The following PHACTR1 variants were observed in gnomAD, a reference collection of about 807,000 sequenced individuals.
PHACTR1 encodes the protein RPEL repeat containing 1.
A neutral mutation model predicts 69.2 loss-of-function variants in PHACTR1; 16 were observed. That is an observed-to-expected ratio of 0.23 (90% confidence interval 0.16 to 0.35). The LOEUF (loss-of-function observed/expected upper bound fraction) is 0.35. Among genes scored for constraint, PHACTR1 ranks in the 10% least tolerant of loss-of-function variants. The probability of loss-of-function intolerance (pLI) is 1.00; values close to 1 mark genes in which losing one functional copy is unlikely to be tolerated. For missense variants in PHACTR1, 510 were observed against 734.7 expected (o/e 0.69, Z 3.54); for synonymous variants, 312 against 284.5 (o/e 1.10, Z -0.97).
chr6:13,152,066 C>T (rs143391562), intron 5 of PHACTR1, among the ~76,000 whole-genome samples: 15 of 152,298 alleles, frequency 9.8e-5, no homozygotes, highest in African/African-American at 3.4e-4. Flanking sequence ...GGCGCAGTGG[C>T]TCACACCTAT....
intron 4 of PHACTR1, among the ~76,000 whole-genome samples, chr6:12,782,370 T>A (rs9463110): frequency 6.6e-6 from 1 of 151,954 alleles, no homozygotes; most frequent in East Asian, 1.9e-4. Context: ...CACATTCGAC[T>A]TGTCAGTTAC....
chr6:12,833,928 G>A (rs183449042), intron 4 of PHACTR1, among the ~76,000 whole-genome samples: 5 of 152,198 alleles, frequency 3.3e-5, no homozygotes, highest in Non-Finnish European at 7.4e-5. Flanking sequence ...TCCAGCTGGA[G>A]TGGTCTTCCC....
Position 12,810,323 on chromosome 6 carries a change from G to GTTGTTTGTTTGT in PHACTR1, c.250+60552_250+60563dup, listed in dbSNP as rs3036465. Among the ~76,000 whole-genome samples, 351 of 151,990 alleles carry GTTGTTTGTTTGT rather than the reference G, an allele frequency of 2.3e-3. 3 individuals carry two copies. Among genetic ancestry groups the GTTGTTTGTTTGT allele is most frequent in the African/African-American group, 8.2e-3 (341 of 41,392 alleles). On this transcript the variant is annotated intron_variant, in intron 4 of 14. Transcript: ENST00000332995. The stretch of plus-strand genomic sequence containing the variant: ...TTTCTGCATTGTGGTTGGTTGGTTT[G>GTTGTTTGTTTGT]TTGTTTGTTTGTTTGTTTGTTTGTT...
rs185245732 is a variant in PHACTR1, at chr6:12,764,170, T to C, written c.250+14380T>C. Among the ~76,000 whole-genome samples the C allele has an allele frequency of 4.5e-3, 680 of 152,310 alleles. 3 individuals are homozygous for C. The highest frequency in any genetic ancestry group is 0.017 in the Middle Eastern group (5 of 294). On this transcript the variant is annotated intron_variant, in intron 4 of 14. Coordinates refer to ENST00000332995, the MANE Select transcript of PHACTR1 (RefSeq NM_030948.6). ...CTTTTCTGCTGCCAAGACTCATCAT[T>C]CAGAACTAGAAGGAAATGAGAATCT...
chr6:12,976,671 A>G (rs1222302180), intron 4 of PHACTR1, among the ~76,000 whole-genome samples: 1 of 152,196 alleles, frequency 6.6e-6, no homozygotes, highest in East Asian at 1.9e-4. Context: ...TGATATTGTG[A>G]TGAAATCTTG....
intron 5 of PHACTR1, among the ~76,000 whole-genome samples, chr6:13,131,617 C>T (rs1282611577): frequency 2.6e-5 from 4 of 152,142 alleles, no homozygotes; most frequent in Non-Finnish European, 2.9e-5. Flanking sequence ...TTCTGTAACT[C>T]TCAATAAGTT....
intron 4 of PHACTR1, among the ~76,000 whole-genome samples, chr6:12,944,586 G>A (rs1341352419): frequency 6.6e-6 from 1 of 152,086 alleles, no homozygotes; most frequent in Non-Finnish European, 1.5e-5. Flanking sequence ...GTAGCTCTGT[G>A]CTTCAAAAGA....
intron 4 of PHACTR1, among the ~76,000 whole-genome samples, chr6:12,804,387 C>T (rs1953089): frequency 0.37 from 56,628 of 152,002 alleles, 11,358 homozygotes; most frequent in African/African-American, 0.51. Context: ...AATGGCCCAG[C>T]GGGTGATAAC....
At chr6:12,921,834 G>GGAGGGAGAGAGGGAGGGAGGGAGGGACA (rs1787752547) in intron 4 of PHACTR1, among the ~76,000 whole-genome samples, 1 of 110,898 alleles carries the variant, frequency 9.0e-6, no homozygotes, top group Non-Finnish European at 2.1e-5. Context: ...AGGAAGGAAG[G>GGAGGGAGAGAGGGAGGGAGGGAGGGACA]GAGGGAGAGA....
At chr6:12,981,550 GTAAGCA>G (rs1375832822) in intron 4 of PHACTR1, among the ~76,000 whole-genome samples, 1 of 152,178 alleles carries the variant, frequency 6.6e-6, no homozygotes, top group African/African-American at 2.4e-5. Context: ...ATCCCCAGAT[GTAAGCA>G]CTTTTCTTTA....
chr6:12,805,607 C>CTTTT (rs766185084), intron 4 of PHACTR1, among the ~76,000 whole-genome samples: 14 of 149,820 alleles, frequency 9.3e-5, no homozygotes, highest in African/African-American at 9.9e-5. Context: ...TTCTTTCTTT[C>CTTTT]TTTCTTTTTT....
At chr6:12,839,152 A>G (rs1331537592) in intron 4 of PHACTR1, among the ~76,000 whole-genome samples, 1 of 152,224 alleles carries the variant, frequency 6.6e-6, no homozygotes, top group Non-Finnish European at 1.5e-5. Flanking sequence ...AACCATAGAA[A>G]AGTTCAACCT....
intron 4 of PHACTR1, among the ~76,000 whole-genome samples, chr6:13,017,712 T>C (rs1273906138): frequency 2.6e-5 from 4 of 152,128 alleles, no homozygotes; most frequent in Non-Finnish European, 5.9e-5. Flanking sequence ...TTTGAGTCCA[T>C]TAATAGTGAA....
At chr6:13,055,410 T>G (rs1198339136) in intron 5 of PHACTR1, among the ~76,000 whole-genome samples, 3 of 152,082 alleles carry the variant, frequency 2.0e-5, no homozygotes, top group Non-Finnish European at 4.4e-5. Context: ...AAAGGGTACT[T>G]AGGTCATTGT....
At chr6:13,047,160 A>C (rs967531923) in intron 4 of PHACTR1, among the ~76,000 whole-genome samples, 3 of 152,044 alleles carry the variant, frequency 2.0e-5, no homozygotes, top group Admixed American at 1.3e-4. Flanking sequence ...GGCGGATCAC[A>C]TGAGGCCAGG....
In PHACTR1 at chr6:12,779,559, T is replaced by G. The variant is rs1336574320; in HGVS notation, c.250+29769T>G. Among the ~76,000 whole-genome samples the G allele has an allele frequency of 3.3e-5, 5 of 150,998 alleles. No homozygotes were observed. The East Asian group carries it at 9.6e-4, about 29-fold the overall frequency. Reference sequence around the variant, plus strand: ...AATAAATAAATAAATAAATAACACCTTCTAACCCATTAGTTCCATTTCCAC... The same window carrying G: ...AATAAATAAATAAATAAATAACACCGTCTAACCCATTAGTTCCATTTCCAC... On this transcript the variant is annotated intron_variant, in intron 4 of 14. Coordinates refer to ENST00000332995, the MANE Select transcript of PHACTR1 (RefSeq NM_030948.6).
intron 5 of PHACTR1, among the ~76,000 whole-genome samples, chr6:13,069,892 G>T (rs1165590678): frequency 6.6e-6 from 1 of 152,096 alleles, no homozygotes; most frequent in African/African-American, 2.4e-5. Flanking sequence ...CTCAATAATT[G>T]CCAGTTAGAA....
intron 4 of PHACTR1, among the ~76,000 whole-genome samples, chr6:12,882,593 A>C (rs1031609330): frequency 6.6e-6 from 1 of 152,264 alleles, no homozygotes; most frequent in African/African-American, 2.4e-5. Context: ...GAATGTGAAA[A>C]TAATCAGAGA....
chr6:12,802,798 T>G (rs1473515449), intron 4 of PHACTR1, among the ~76,000 whole-genome samples: 1 of 152,240 alleles, frequency 6.6e-6, no homozygotes, highest in Non-Finnish European at 1.5e-5. Context: ...TTTACGATCT[T>G]GATGGAAAGC....
Sources: gnomAD v4.1 joint callset for allele counts (sites outside exome capture counted in the v4.1 genomes callset) on GRCh38, gnomAD v4.1.1 for gene constraint, MANE v1.5 for transcripts, NCBI Gene and HGNC (gene_info 2026-07-23, HGNC 2026-07-21) for gene names.